PAPPA2: variants seen among roughly 807,000 people sequenced by gnomAD.
PAPPA2 encodes the protein pappalysin 2, also known as pappalysin-2.
PAPPA2 carries 86 observed loss-of-function variants against 176.4 expected under a neutral mutation model. The observed-to-expected ratio is 0.49, with a 90% confidence interval of 0.41 to 0.58. PAPPA2 has a LOEUF of 0.58. Among genes scored for constraint, PAPPA2 ranks in the 20% least tolerant of loss-of-function variants. PAPPA2 has a pLI of 0.00. For missense variants in PAPPA2, 2,073 were observed against 2,256.9 expected (o/e 0.92, Z 1.65); for synonymous variants, 809 against 852.2 (o/e 0.95, Z 0.88).
chr1:176,690,030 C>T (rs1218743585), intron 4 of PAPPA2, 107 bp from the exon 5 acceptor site: 1 of 1,053,126 alleles, frequency 9.5e-7, no homozygotes, highest in Admixed American at 2.3e-5. Flanking sequence ...TAAAGTGACT[C>T]CTTAGAGGCT....
At chr1:176,626,255 TTTTATCA>T (rs1485912492) in intron 3 of PAPPA2, among the ~76,000 whole-genome samples, 11 of 152,192 alleles carry the variant, frequency 7.2e-5, no homozygotes, top group Non-Finnish European at 8.8e-5. Flanking sequence ...TTCTTTACAG[TTTTATCA>T]TTTATGCATG....
At chr1:176,597,205 C>T (rs148708967) in intron 3 of PAPPA2, among the ~76,000 whole-genome samples, 403 of 152,210 alleles carry the variant, frequency 2.6e-3, no homozygotes, top group African/African-American at 9.1e-3. Flanking sequence ...TTGCAAGTTA[C>T]GCAAGTCACG....
At chr1:176,489,098 C>T (rs1346690950) in intron 1 of PAPPA2, among the ~76,000 whole-genome samples, 1 of 152,128 alleles carries the variant, frequency 6.6e-6, no homozygotes, top group Non-Finnish European at 1.5e-5. Flanking sequence ...GTGATGTGTG[C>T]CCATACGCAA....
At chr1:176,738,950 A>T (rs1251431787) in intron 12 of PAPPA2, among the ~76,000 whole-genome samples, 1 of 152,054 alleles carries the variant, frequency 6.6e-6, no homozygotes, top group East Asian at 1.9e-4. Flanking sequence ...TTCCTGAGTG[A>T]TACATGAATT....
rs1038753460 is a variant in PAPPA2 at position 176,555,637 on chromosome 1, T to C, written c.-686T>C. The C allele has an allele frequency of 6.6e-6, 1 of 152,234 alleles. No homozygotes were observed. Among genetic ancestry groups the C allele is most frequent in the Non-Finnish European group, 1.5e-5 (1 of 68,070 alleles). 9.4% of individuals were successfully genotyped at this position (152,234 alleles called of 1,614,324 possible). A position where few individuals can be genotyped will look rare whatever the true frequency, so the allele number is the denominator to read the frequency against. On this transcript the variant is annotated 5_prime_UTR_variant, in exon 2 of 23. Transcript: ENST00000367662. Reference sequence around the variant, plus strand: ...GGATGGGGACCTGGCTGAAGACATCTGGAGAATGAAAGTTAAGTACCAGCT... The same window carrying C: ...GGATGGGGACCTGGCTGAAGACATCCGGAGAATGAAAGTTAAGTACCAGCT...
In PAPPA2 at chr1:176,552,058, G is replaced by C. The variant is rs201311684; in HGVS notation, c.-916-3349G>C. Among the ~76,000 whole-genome samples the C allele has an allele frequency of 2.6e-5, 4 of 151,996 alleles. No individual in the cohort carries two copies. In the East Asian group the frequency reaches 7.7e-4, roughly 29 times the overall value. ...ACTGTGTGTCCTTTGTTTTCTGTAC[G>C]TAAAACCTAACCTCGACCCCATGTT... On this transcript the variant is annotated intron_variant, in intron 1 of 22. Coordinates refer to ENST00000367662, the MANE Select transcript of PAPPA2 (RefSeq NM_020318.3).
At chr1:176,762,255 T>C (rs1663734980) in intron 14 of PAPPA2, among the ~76,000 whole-genome samples, 1 of 151,844 alleles carries the variant, frequency 6.6e-6, no homozygotes, top group Non-Finnish European at 1.5e-5. Flanking sequence ...TTGGTCCTTT[T>C]TTTTTTTTTT....
intron 1 of PAPPA2, among the ~76,000 whole-genome samples, chr1:176,513,655 G>A (rs1177689623): frequency 6.6e-6 from 1 of 152,048 alleles, no homozygotes; most frequent in Non-Finnish European, 1.5e-5. Flanking sequence ...TCTGATTCTG[G>A]TCTCAATTTC....
chr1:176,831,957 A>ACATG (rs1424365345), intron 21 of PAPPA2, among the ~76,000 whole-genome samples: 1 of 152,194 alleles, frequency 6.6e-6, no homozygotes, highest in Non-Finnish European at 1.5e-5. Flanking sequence ...TGACTCAGGT[A>ACATG]CATGCATTGG....
At chr1:176,820,167 A>G (rs1666600564) in intron 21 of PAPPA2, among the ~76,000 whole-genome samples, 1 of 152,160 alleles carries the variant, frequency 6.6e-6, no homozygotes, top group Non-Finnish European at 1.5e-5. Flanking sequence ...ACACGCACCT[A>G]TTTTGAAAAC....
intron 3 of PAPPA2, among the ~76,000 whole-genome samples, chr1:176,654,907 G>A (rs981864156): frequency 9.9e-5 from 15 of 151,594 alleles, no homozygotes; most frequent in African/African-American, 3.4e-4. Flanking sequence ...TACTGATTTG[G>A]GTATGATAAT....
At chr1:176,699,638 G>A in intron 8 of PAPPA2, 49 bp downstream of exon 8, 6 of 1,531,558 alleles carry the variant, frequency 3.9e-6, no homozygotes, top group Non-Finnish European at 4.4e-6. Context: ...CTGGGGGTGG[G>A]TTTTGTTACT....
At chr1:176,674,474 A>G (rs1659178196) in intron 4 of PAPPA2, among the ~76,000 whole-genome samples, 1 of 151,974 alleles carries the variant, frequency 6.6e-6, no homozygotes, top group South Asian at 2.1e-4. Flanking sequence ...TTACATCCTA[A>G]TAGTTTAGCT....
At chr1:176,613,106 G>A (rs968396706) in intron 3 of PAPPA2, among the ~76,000 whole-genome samples, 2 of 152,210 alleles carry the variant, frequency 1.3e-5, no homozygotes, top group Admixed American at 6.5e-5. Flanking sequence ...TGGCAGGGTA[G>A]AAACTTGAGG....
At position 176,701,711 on chromosome 1, in the gene PAPPA2, C is replaced by G. The variant is rs1257451840; in HGVS notation, c.3237-896C>G. Among the ~76,000 whole-genome samples the G allele has an allele frequency of 5.3e-5, 8 of 152,122 alleles. 1 individual carries two copies. Among genetic ancestry groups the G allele is most frequent in the Non-Finnish European group, 1.2e-4 (8 of 68,032 alleles). On this transcript the variant is annotated intron_variant, in intron 8 of 22. Coordinates refer to ENST00000367662, the MANE Select transcript of PAPPA2 (RefSeq NM_020318.3). The stretch of plus-strand genomic sequence containing the variant: ...AACCATGGCAGAATACTGATGGCAG[C>G]CACTCACAGTAGTCCCAGCAACCCT...
chr1:176,771,230 T>C (rs1664211192), intron 17 of PAPPA2, 50 bp downstream of exon 17: 5 of 1,565,286 alleles, frequency 3.2e-6, no homozygotes, highest in Non-Finnish European at 4.4e-6. Flanking sequence ...TCGCTGCTTG[T>C]TATGTTTGTT....
chr1:176,465,916 C>A (rs973391959), intron 1 of PAPPA2, among the ~76,000 whole-genome samples: 1 of 151,996 alleles, frequency 6.6e-6, no homozygotes, highest in Non-Finnish European at 1.5e-5. Flanking sequence ...TCCTGTATAT[C>A]ATTTTTTTTA....
chr1:176,815,227 A>C (rs920830527), intron 21 of PAPPA2, among the ~76,000 whole-genome samples: 1 of 152,212 alleles, frequency 6.6e-6, no homozygotes, highest in Admixed American at 6.5e-5. Flanking sequence ...AGCAAACAGC[A>C]TGCATAATGA....
intron 1 of PAPPA2, among the ~76,000 whole-genome samples, chr1:176,531,789 T>C (rs778616969): frequency 6.6e-6 from 1 of 152,192 alleles, no homozygotes; most frequent in Non-Finnish European, 1.5e-5. Flanking sequence ...AACAGATCAG[T>C]TAAAAAATTT....
Sources: allele counts gnomAD v4.1 joint callset (sites outside exome capture counted in the v4.1 genomes callset), GRCh38; gene constraint gnomAD v4.1.1; transcripts MANE v1.5; gene names NCBI Gene and HGNC (gene_info 2026-07-23, HGNC 2026-07-21).